CD2AP: variants seen among roughly 807,000 people sequenced by gnomAD.
CD2AP encodes the protein CD2 associated protein.
Under a neutral mutation model 85.1 loss-of-function variants are expected in CD2AP, and 46 were observed. That is an observed-to-expected ratio of 0.54 (90% CI 0.43 to 0.69). The LOEUF (loss-of-function observed/expected upper bound fraction) is 0.69. Ranked by LOEUF, CD2AP falls within the 30% of genes least tolerant of loss-of-function variation. The pLI is 0.00. For synonymous variants in CD2AP, 255 were observed against 252.9 expected, an observed-to-expected ratio of 1.01 and a Z score of -0.08; for missense variants, 769 against 729.5, an observed-to-expected ratio of 1.05 and a Z score of -0.62.
At chr6:47,578,373 CT>C (rs1487253446) in intron 8 of CD2AP, among the ~76,000 whole-genome samples, 1 of 151,650 alleles carries the variant, frequency 6.6e-6, no homozygotes, top group Non-Finnish European at 1.5e-5. Context: ...CTGATTAATT[CT>C]TTTTTCAAAA....
chr6:47,511,440 G>A (rs1766311819), intron 2 of CD2AP, among the ~76,000 whole-genome samples: 1 of 152,188 alleles, frequency 6.6e-6, no homozygotes, highest in Non-Finnish European at 1.5e-5. Context: ...TCCTGGATTG[G>A]ATTCTGGAAC....
intron 2 of CD2AP, among the ~76,000 whole-genome samples, chr6:47,531,191 C>T (rs139232145): frequency 7.1e-4 from 108 of 152,102 alleles, no homozygotes; most frequent in African/African-American, 2.5e-3. Context: ...CCAGAGATTC[C>T]GAAACTTTCT....
At chr6:47,528,406 C>G (rs1766784675) in intron 2 of CD2AP, among the ~76,000 whole-genome samples, 2 of 152,122 alleles carry the variant, frequency 1.3e-5, no homozygotes, top group Non-Finnish European at 2.9e-5. Flanking sequence ...AACTCCTGAC[C>G]TCAAGTGATC....
chr6:47,615,812 T>TATTTATTTATTC (rs1561834893), intron 17 of CD2AP, among the ~76,000 whole-genome samples: 2 of 149,060 alleles, frequency 1.3e-5, no homozygotes, highest in Non-Finnish European at 3.0e-5. Context: ...TTTATTTATT[T>TATTTATTTATTC]ATTTATTTAT....
intron 13 of CD2AP, 22 bp downstream of exon 13, chr6:47,599,465 T>C (rs1171839109): frequency 1.2e-6 from 2 of 1,605,664 alleles, no homozygotes; most frequent in East Asian, 2.3e-5. Flanking sequence ...TGGACAGCGG[T>C]GGTGCATTTA....
At chr6:47,581,135 G>T (rs1768466972) in intron 10 of CD2AP, among the ~76,000 whole-genome samples, 1 of 152,066 alleles carries the variant, frequency 6.6e-6, no homozygotes, top group Admixed American at 6.6e-5. Context: ...GTAATTTTGA[G>T]TTAATAAAAT....
chr6:47,570,206 A>G (rs1379164384), intron 5 of CD2AP, among the ~76,000 whole-genome samples: 1 of 152,082 alleles, frequency 6.6e-6, no homozygotes, highest in East Asian at 1.9e-4. Flanking sequence ...TTCTCCAAAC[A>G]AGTAATTGCA....
At chr6:47,579,700 C>A in intron 9 of CD2AP, 1 of 518,570 alleles carries the variant, frequency 1.9e-6, no homozygotes, top group Non-Finnish European at 3.4e-6. Flanking sequence ...CTCGACTGTA[C>A]TGAAAAATAA....
chr6:47,595,987 G>T lies in CD2AP; in HGVS notation c.1235G>T (p.Arg412Leu). 1 of 1,612,664 alleles carries T rather than the reference G, an allele frequency of 6.2e-7. No homozygotes were observed. The highest frequency in any genetic ancestry group is 8.5e-7 in the Non-Finnish European group (1 of 1,179,066). The change falls in exon 12 of 18, where the codon CGA becomes CTA. Residue 412 changes from arginine (R) to leucine (L), a missense_variant. Coordinates refer to ENST00000359314, the MANE Select transcript of CD2AP (RefSeq NM_012120.3). Reference protein sequence around the residue: ...LRSSGTVYPKRPEKPVPPPPP... With the variant: ...LRSSGTVYPKLPEKPVPPPPP... ...TCTTCTGGAACAGTGTACCCAAAGCGACCTGAAAAACCAGTTCCTCCACCA... is the reference window on the plus strand; with the variant it reads ...TCTTCTGGAACAGTGTACCCAAAGCTACCTGAAAAACCAGTTCCTCCACCA...
chr6:47,484,415 A>G (rs188533548), intron 1 of CD2AP, among the ~76,000 whole-genome samples: 3 of 148,288 alleles, frequency 2.0e-5, no homozygotes, highest in Non-Finnish European at 3.0e-5. Flanking sequence ...TAGATGTTCT[A>G]CACTCTTCCT....
At chr6:47,489,350 T>A (rs1324751267) in intron 1 of CD2AP, among the ~76,000 whole-genome samples, 1 of 151,940 alleles carries the variant, frequency 6.6e-6, no homozygotes, top group East Asian at 1.9e-4. Flanking sequence ...GTATTATTAT[T>A]TTTTTAGTAG....
At chr6:47,576,714 A>G (rs1369161443) in intron 7 of CD2AP, 112 bp downstream of exon 7, 7 of 837,748 alleles carry the variant, frequency 8.4e-6, no homozygotes, top group Admixed American at 3.8e-5. Context: ...AGCAAATTCT[A>G]TTAGATGTAA....
At chr6:47,585,861 G>A (rs1007018802) in intron 11 of CD2AP, among the ~76,000 whole-genome samples, 3 of 152,166 alleles carry the variant, frequency 2.0e-5, no homozygotes, top group Admixed American at 6.5e-5. Flanking sequence ...ACATTGGATA[G>A]AGTTCATAAA....
At chr6:47,561,771 C>CATTT (rs111626634) in intron 5 of CD2AP, among the ~76,000 whole-genome samples, 32 of 152,124 alleles carry the variant, frequency 2.1e-4, no homozygotes, top group African/African-American at 3.6e-4. Context: ...GTTTGCTTTA[C>CATTT]ATTTATTTAT....
chr6:47,573,932 T>G (rs542265189), intron 5 of CD2AP, 132 bp from the exon 6 acceptor site: 2 of 780,846 alleles, frequency 2.6e-6, no homozygotes, highest in Admixed American at 2.0e-5. Flanking sequence ...TCTGGATATT[T>G]CAGTACTGAA....
chr6:47,626,144 A>C lies in CD2AP; in HGVS notation c.*1917A>C, dbSNP rs1409623203. On this transcript the variant is annotated 3_prime_UTR_variant, in exon 18 of 18. Transcript: ENST00000359314. ...TTCCAGCAGATTTCAGGCTGTTCTT[A>C]AAGTTTTTGTTGGTCATTTTCTCAA... 2.0e-5 allele frequency: 3 copies of C among 151,934 alleles called. No individual in the cohort carries two copies. Among genetic ancestry groups the C allele is most frequent in the Non-Finnish European group, 2.9e-5 (2 of 67,834 alleles). 9.4% of individuals were successfully genotyped at this position (151,934 alleles called of 1,614,324 possible).
At chr6:47,513,569 G>GT (rs1766373400) in intron 2 of CD2AP, among the ~76,000 whole-genome samples, 1 of 151,774 alleles carries the variant, frequency 6.6e-6, no homozygotes, top group Non-Finnish European at 1.5e-5. Context: ...AATGCATGGT[G>GT]TTTAAGACTG....
At chr6:47,570,141 C>CTTT in intron 5 of CD2AP, among the ~76,000 whole-genome samples, 1 of 147,086 alleles carries the variant, frequency 6.8e-6, no homozygotes, top group South Asian at 2.1e-4. Context: ...CATCAGATTT[C>CTTT]TTTTTTTTTT....
intron 2 of CD2AP, among the ~76,000 whole-genome samples, chr6:47,526,949 TG>T (rs1766744363): frequency 6.6e-6 from 1 of 152,182 alleles, no homozygotes; most frequent in African/African-American, 2.4e-5. Flanking sequence ...GTCTGAAAAC[TG>T]TGAGGTTGAT....
Sources: allele counts gnomAD v4.1 joint callset (sites outside exome capture counted in the v4.1 genomes callset), GRCh38; gene constraint gnomAD v4.1.1; transcripts MANE v1.5; gene names NCBI Gene and HGNC (gene_info 2026-07-23, HGNC 2026-07-21).